Variants in COL9A3 observed in about 807,000 individuals in gnomAD.
COL9A3 encodes collagen alpha-3(IX) chain.
In COL9A3, 82 loss-of-function variants were observed where a neutral mutation model predicts 110.2. The observed-to-expected ratio is 0.74, with a 90% CI of 0.62 to 0.89. COL9A3 has a LOEUF of 0.89. Ranked by LOEUF, COL9A3 falls within the 40% of genes least tolerant of loss-of-function variation. COL9A3 has a pLI of 0.00. For synonymous variants in COL9A3, 494 were observed against 403.8 expected (o/e 1.22, Z -2.68); for missense variants, 1,066 against 981.3 (o/e 1.09, Z -1.15).
chr20:62,818,685 G>A lies in COL9A3; in HGVS notation c.183+132G>A, dbSNP rs959348363. On this transcript the variant is annotated intron_variant, in intron 3 of 31. Transcript: ENST00000649368. ...GTTGCCTGAGGGGAGGCCTCAGAGG[G>A]CTTGGAGCAGGCCTGGAGCCAGCGG... 8 of 917,908 alleles carry A rather than the reference G, an allele frequency of 8.7e-6. No individual in the cohort carries two copies. In the African/African-American group the frequency reaches 1.1e-4, roughly 13 times the overall value. The allele number at this position is 917,908 out of a possible 1,614,324, so 56.9% of individuals were successfully genotyped here.
rs1600800903 is a variant in COL9A3, at chr20:62,828,815, A to G, written c.952A>G (p.Lys318Glu). The change falls in exon 18 of 32, where the codon AAG becomes GAG. Residue 318 changes from lysine (K) to glutamate (E), a missense_variant and splice_region_variant. Coordinates refer to ENST00000649368, the MANE Select transcript of COL9A3 (RefSeq NM_001853.4). ...QNGVPGLDGQ[K>E]GEAGRNGAPG... The stretch of plus-strand genomic sequence containing the variant: ...TGGCGTGCCAGGACTCGATGGCCAG[A>G]AGGTTGGCATGGGGCTCAGGGTGTG... The G allele has an allele frequency of 6.2e-7, 1 of 1,612,898 alleles. No homozygotes were observed. The highest frequency in any genetic ancestry group is 1.3e-5 in the African/African-American group (1 of 75,026).
At position 62,828,944 on chromosome 20, in the gene COL9A3, G is replaced by T; in HGVS notation, c.976G>T (p.Ala326Ser). Reference sequence around the variant, plus strand: ...ACAGGGAGAGGCTGGTCGCAACGGTGCTCCGGGAGAGAAGGGCCCCAACGG... The same window carrying T: ...ACAGGGAGAGGCTGGTCGCAACGGTTCTCCGGGAGAGAAGGGCCCCAACGG... ...GQKGEAGRNG[A>S]PGEKGPNGLP... The change falls in exon 19 of 32, where the codon GCT becomes TCT. Residue 326 changes from alanine (A) to serine (S), a missense_variant. Coordinates refer to ENST00000649368, the MANE Select transcript of COL9A3 (RefSeq NM_001853.4). 5 of 1,611,232 alleles carry T rather than the reference G, an allele frequency of 3.1e-6. No individual in the cohort carries two copies. The highest frequency in any genetic ancestry group is 4.2e-6 in the Non-Finnish European group (5 of 1,179,672).
rs768564970 is a variant in COL9A3, at chr20:62,829,668, A to G, written c.1094A>G (p.Glu365Gly). 10 of 1,609,418 alleles carry G rather than the reference A, an allele frequency of 6.2e-6. No homozygotes were observed. The highest frequency in any genetic ancestry group is 4.2e-6 in the Non-Finnish European group (5 of 1,178,704). The change falls in exon 21 of 32, where the codon GAG (glutamate) becomes GGG (glycine). Residue 365 changes from glutamate to glycine, a missense_variant. Coordinates refer to ENST00000649368, the MANE Select transcript of COL9A3 (RefSeq NM_001853.4). ...CTGGGTGAGGCCGGCCCCTCTGGAG[A>G]GCCAGGCGTCCCTGTGAGTATCTGC... ...GELGEAGPSGEPGVPGDAGMP... is the reference protein window; with the variant it reads ...GELGEAGPSGGPGVPGDAGMP...
chr20:62,822,606 C>T lies in COL9A3; in HGVS notation c.493C>T (p.Leu165Phe), dbSNP rs562414897. The T allele has an allele frequency of 6.1e-5, 99 of 1,612,674 alleles. 1 individual carries two copies. In the South Asian group the frequency reaches 1.0e-3, roughly 16 times the overall value. Residue 165 changes from leucine (L) to phenylalanine (F), a missense_variant, in exon 10 of 32, where the codon CTC (leucine) becomes TTC (phenylalanine). By Grantham distance (22) the Leu-to-Phe change is conservative. Coordinates refer to ENST00000649368, the MANE Select transcript of COL9A3 (RefSeq NM_001853.4). The part of the protein sequence containing the change: ...PPGPPGHPGV[L>F]PEGATDLQCP... ...TTTGTCTTAGGGACACCCAGGAGTC[C>T]TCCCTGAAGGCGCTACTGACCTTCA...
At chr20:62,819,185 C>A (rs1169476851) in intron 3 of COL9A3, 37 bp from the exon 4 acceptor site, 1 of 1,600,390 alleles carries the variant, frequency 6.2e-7, no homozygotes, top group Non-Finnish European at 8.5e-7. Flanking sequence ...CCAGGCCAGA[C>A]CCCGCCTTCA....
At chr20:62,837,937 T>C (rs1198341228) in intron 30 of COL9A3, among the ~76,000 whole-genome samples, 1 of 152,080 alleles carries the variant, frequency 6.6e-6, no homozygotes, top group African/African-American at 2.4e-5. Flanking sequence ...GTCAACATGG[T>C]GAAACCCCGC....
chr20:62,836,013 C>T, intron 27 of COL9A3, 60 bp downstream of exon 27: 1 of 1,612,250 alleles, frequency 6.2e-7, no homozygotes, highest in Non-Finnish European at 8.5e-7. Flanking sequence ...GCTTCCTGCC[C>T]ACCTCTGGGC....
chr20:62,832,764 C>T (rs1290133405), intron 25 of COL9A3: 2 of 289,320 alleles, frequency 6.9e-6, no homozygotes, highest in Non-Finnish European at 1.1e-5. Flanking sequence ...ATCGAACCCC[C>T]ACCGCAGGTT....
At position 62,819,261 on chromosome 20, in the gene COL9A3, G is replaced by C. The variant is rs906822613; in HGVS notation, c.223G>C (p.Glu75Gln). ...GAPGKPGKPGEAGLPGLPGVD... is the reference protein window; with the variant it reads ...GAPGKPGKPGQAGLPGLPGVD... Reference sequence around the variant, plus strand: ...CCCAGGAAAGCCGGGGAAACCAGGAGAGGCTGGGCTGCCGGGACTGCCGGG... The same window carrying C: ...CCCAGGAAAGCCGGGGAAACCAGGACAGGCTGGGCTGCCGGGACTGCCGGG... The change falls in exon 4 of 32, where the codon GAG becomes CAG. Residue 75 changes from glutamate to glutamine, a missense_variant. Glu to Gln is a conservative substitution (Grantham distance 29). Coordinates refer to ENST00000649368, the MANE Select transcript of COL9A3 (RefSeq NM_001853.4). 1.2e-6 allele frequency: 2 copies of C among 1,612,456 alleles called. No individual in the cohort carries two copies. The highest frequency in any genetic ancestry group is 2.7e-5 in the African/African-American group (2 of 74,934).
In COL9A3 at chr20:62,821,788, G is replaced by A. The variant is rs1264563471; in HGVS notation, c.401G>A (p.Gly134Glu). Residue 134 changes from glycine to glutamate, a missense_variant, in exon 8 of 32, where the codon GGG (glycine) becomes GAG (glutamate). Transcript: ENST00000649368. ...GCAGGAGTGAGCGGCCCCCCAGGTG[G>A]GATCGGCCTCCGCGGCCCCCCGGTG... Reference protein sequence around the residue: ...GEAGVSGPPGGIGLRGPPGPS... With the variant: ...GEAGVSGPPGEIGLRGPPGPS... The A allele has an allele frequency of 1.2e-6, 2 of 1,609,992 alleles. No individual in the cohort carries two copies. The highest frequency in any genetic ancestry group is 8.5e-7 in the Non-Finnish European group (1 of 1,178,418).
chr20:62,817,548 T>C lies in COL9A3; in HGVS notation c.79-19T>C. The C allele has an allele frequency of 6.5e-7, 1 of 1,529,816 alleles. No individual in the cohort carries two copies. The highest frequency in any genetic ancestry group is 8.9e-7 in the Non-Finnish European group (1 of 1,129,100). 94.8% of individuals were successfully genotyped at this position (1,529,816 alleles called of 1,614,324 possible). A position where few individuals can be genotyped will look rare whatever the true frequency, so the allele number is the denominator to read the frequency against. On this transcript the variant is annotated intron_variant, in intron 1 of 31. Coordinates refer to ENST00000649368, the MANE Select transcript of COL9A3 (RefSeq NM_001853.4). The stretch of plus-strand genomic sequence containing the variant: ...CCACGGGGGCACCTGCGCTCCTTAA[T>C]GAGTTTTCTCCGTTTCAGAGAGTGG...
chr20:62,829,826 G>T lies in COL9A3; in HGVS notation c.1161+7G>T, dbSNP rs768834001. Reference sequence around the variant, plus strand: ...TGGCCACCGGGGCTCAGCGGTGAGTGCAGGGACATGGCCCGGGGTCGGGGG... The same window carrying T: ...TGGCCACCGGGGCTCAGCGGTGAGTTCAGGGACATGGCCCGGGGTCGGGGG... On this transcript the variant is annotated splice_region_variant and intron_variant, in intron 22 of 31. Transcript: ENST00000649368. 107 of 1,563,204 alleles carry T rather than the reference G, an allele frequency of 6.8e-5. No homozygotes were observed. Among genetic ancestry groups the T allele is most frequent in the Non-Finnish European group, 8.9e-5 (103 of 1,155,584 alleles).
rs2063513177 is a variant in COL9A3 at position 62,821,527 on chromosome 20, C to T, written c.366C>T (p.Pro122=). 1 of 1,612,850 alleles carries T rather than the reference C, an allele frequency of 6.2e-7. No individual in the cohort carries two copies. The highest frequency in any genetic ancestry group is 8.5e-7 in the Non-Finnish European group (1 of 1,179,950). ...PGLGGKGLPG[P]PGEAGVSGPP... Reference sequence around the variant, plus strand: ...TGCAGGGCAAAGGCCTCCCTGGACCCCCCGTGAGTACTGACAACCCTTGGG... The same window carrying T: ...TGCAGGGCAAAGGCCTCCCTGGACCTCCCGTGAGTACTGACAACCCTTGGG... Residue 122 remains proline, a synonymous_variant, in exon 7 of 32, where the codon CCC becomes CCT. Coordinates refer to ENST00000649368, the MANE Select transcript of COL9A3 (RefSeq NM_001853.4).
chr20:62,819,422 A>G (rs1991047187), intron 4 of COL9A3, 129 bp downstream of exon 4: 7 of 895,554 alleles, frequency 7.8e-6, no homozygotes, highest in Non-Finnish European at 1.3e-5. Flanking sequence ...AGAAGTCTCC[A>G]GAAGTCCCCA....
Position 62,817,083 on chromosome 20 carries a change from T to A in COL9A3, c.19T>A (p.Cys7Ser), listed in dbSNP as rs770930161. MAGPRACAPLLLLLLLG... is the reference protein window; with the variant it reads MAGPRASAPLLLLLLLG... ...CTCAGCCATGGCCGGGCCGCGCGCG[T>A]GCGCCCCGCTCCTGCTCCTGCTCCT... is the stretch of plus-strand genomic sequence containing the variant. The change falls in exon 1 of 32, where the codon TGC becomes AGC. Residue 7 changes from cysteine (C) to serine (S), a missense_variant. Transcript: ENST00000649368. 2.3e-4 allele frequency: 320 copies of A among 1,390,164 alleles called. 2 individuals carry two copies. In the African/African-American group the frequency reaches 4.1e-3, roughly 18 times the overall value. 86.1% of individuals were successfully genotyped at this position (1,390,164 alleles called of 1,614,324 possible).
In COL9A3 at chr20:62,839,697, GA is replaced by G. The variant is rs1375634795; in HGVS notation, c.1865-844del. Among the ~76,000 whole-genome samples the G allele has an allele frequency of 3.1e-4, 36 of 117,082 alleles. 2 individuals carry two copies. Among genetic ancestry groups the G allele is most frequent in the African/African-American group, 1.4e-3 (36 of 26,260 alleles). 76.8% of individuals were successfully genotyped at this position (117,082 alleles called of 152,430 possible). A position where few individuals can be genotyped will look rare whatever the true frequency, so the allele number is the denominator to read the frequency against. ...ACCCCACCTCTCCCTGGGTGCCCTG[GA>G]GCCCTCTCCTCTCCTCCACCCACCC... On this transcript the variant is annotated intron_variant, in intron 31 of 31. Coordinates refer to ENST00000649368, the MANE Select transcript of COL9A3 (RefSeq NM_001853.4).
chr20:62,821,238 C>T (rs1241190615), intron 6 of COL9A3, 22 bp downstream of exon 6: 12 of 1,611,796 alleles, frequency 7.4e-6, no homozygotes, highest in African/African-American at 1.3e-5. Flanking sequence ...GTGTGGTCCT[C>T]TCCTCTCCAT....
At chr20:62,830,846 TG>T (rs1248268845) in intron 24 of COL9A3, among the ~76,000 whole-genome samples, 1 of 123,604 alleles carries the variant, frequency 8.1e-6, no homozygotes, top group Non-Finnish European at 1.7e-5. Context: ...CAGCTCCCAG[TG>T]GGAAATCTGG....
rs2063640712 is a variant in COL9A3, at chr20:62,836,850, AC to A, written c.1604-228del. 7 of 661,158 alleles carry A rather than the reference AC, an allele frequency of 1.1e-5. No individual in the cohort carries two copies. The Admixed American group carries it at 1.8e-4, about 17-fold the overall frequency. 41.0% of individuals were successfully genotyped at this position (661,158 alleles called of 1,614,324 possible). ...TGGCTGGCAGGGCAGGTCCCTAAAC[AC>A]CCCCAAGGGCACTTCCTTCACCTTC... is the stretch of plus-strand genomic sequence containing the variant. On this transcript the variant is annotated intron_variant, in intron 29 of 31. Transcript: ENST00000649368.
Sources: gnomAD v4.1 joint callset for allele counts (sites outside exome capture counted in the v4.1 genomes callset) on GRCh38, gnomAD v4.1.1 for gene constraint, MANE v1.5 for transcripts, NCBI Gene and HGNC (gene_info 2026-07-23, HGNC 2026-07-21) for gene names.